LARS2: variants seen among roughly 807,000 people sequenced by gnomAD.
LARS2 encodes the protein leucyl-tRNA synthetase 2, mitochondrial.
A neutral mutation model predicts 116.6 loss-of-function variants in LARS2; 81 were observed. The ratio of observed to expected loss-of-function variants is 0.69; its 90% CI spans 0.58 to 0.84. The LOEUF (loss-of-function observed/expected upper bound fraction) is 0.84. Ranked by LOEUF, LARS2 falls within the 40% of genes least tolerant of loss-of-function variation. The pLI, the probability that LARS2 is intolerant of heterozygous loss-of-function variation, is 0.00. For synonymous variants in LARS2, 396 were observed against 407.2 expected (o/e 0.97, Z 0.33); for missense variants, 968 against 1,114.5 (o/e 0.87, Z 1.87).
Position 45,446,980 on chromosome 3 carries a change from G to A in LARS2, c.606G>A (p.Glu202=). 6.4e-7 allele frequency: 1 copy of A among 1,565,530 alleles called. No individual in the cohort carries two copies. The highest frequency in any genetic ancestry group is 8.8e-7 in the Non-Finnish European group (1 of 1,140,230). ...LYEAGLAYQK[E]ALVNWDPVDQ... ...AGGCTGGGCTGGCCTATCAAAAGGA[G>A]GTAAGTTAAAATTAGCTGGACTTTT... is the stretch of plus-strand genomic sequence containing the variant. Residue 202 remains glutamate, a splice_region_variant and synonymous_variant, in exon 7 of 22, where the codon GAG becomes GAA. Coordinates refer to ENST00000645846, the MANE Select transcript of LARS2 (RefSeq NM_015340.4).
chr3:45,431,214 A>G (rs1698707132), intron 6 of LARS2, among the ~76,000 whole-genome samples: 1 of 152,186 alleles, frequency 6.6e-6, no homozygotes, highest in Non-Finnish European at 1.5e-5. Context: ...TTGGTTTCCC[A>G]ACCTTCAGAA....
intron 20 of LARS2, 148 bp from the exon 21 acceptor site, chr3:45,541,677 AGTGG>A: frequency 1.1e-6 from 1 of 883,658 alleles, no homozygotes; most frequent in Non-Finnish European, 1.7e-6. Context: ...ACCAGGCCAA[AGTGG>A]TGAGCACCCA....
At chr3:45,429,563 A>T (rs1698656420) in intron 6 of LARS2, among the ~76,000 whole-genome samples, 1 of 152,098 alleles carries the variant, frequency 6.6e-6, no homozygotes, top group Non-Finnish European at 1.5e-5. Context: ...GGCCACCTGG[A>T]TAATTTAGGA....
intron 6 of LARS2, among the ~76,000 whole-genome samples, chr3:45,425,106 C>T (rs776149945): frequency 3.9e-5 from 6 of 151,908 alleles, no homozygotes; most frequent in Non-Finnish European, 4.4e-5. Context: ...TATTTTCCTT[C>T]TTGTTTTTCT....
At chr3:45,530,755 T>C (rs1317821298) in intron 20 of LARS2, among the ~76,000 whole-genome samples, 1 of 152,248 alleles carries the variant, frequency 6.6e-6, no homozygotes, top group African/African-American at 2.4e-5. Context: ...GAATTGTACA[T>C]TGTGCTTCAA....
intron 10 of LARS2, 24 bp from the exon 11 acceptor site, chr3:45,485,666 CCA>C (rs1278104681): frequency 7.3e-7 from 1 of 1,360,816 alleles, no homozygotes. Flanking sequence ...TGAGTGGCAT[CCA>C]CAGTTATTTG....
intron 3 of LARS2, among the ~76,000 whole-genome samples, chr3:45,399,796 C>T (rs1441123033): frequency 6.6e-6 from 1 of 151,934 alleles, no homozygotes. Flanking sequence ...CCCCTTTCCA[C>T]CCTTCCCCCA....
chr3:45,497,619 G>T (rs1325014748), intron 14 of LARS2, among the ~76,000 whole-genome samples: 1 of 152,096 alleles, frequency 6.6e-6, no homozygotes, highest in Non-Finnish European at 1.5e-5. Flanking sequence ...ATATAAGGGG[G>T]ATCCTTGTCA....
intron 8 of LARS2, among the ~76,000 whole-genome samples, chr3:45,473,568 G>C (rs1302070555): frequency 2.0e-5 from 3 of 151,858 alleles, no homozygotes; most frequent in African/African-American, 7.3e-5. Context: ...ATTTTTAGTA[G>C]AGACGGGGTT....
intron 20 of LARS2, among the ~76,000 whole-genome samples, chr3:45,526,875 G>A (rs374182021): frequency 1.3e-5 from 2 of 152,260 alleles, no homozygotes; most frequent in African/African-American, 4.8e-5. Context: ...AAAACCAAAT[G>A]TCCAAAATGG....
Position 45,485,746 on chromosome 3 carries a change from T to C in LARS2, c.1073T>C (p.Val358Ala). 6.2e-7 allele frequency: 1 copy of C among 1,612,304 alleles called. No individual in the cohort carries two copies. Among genetic ancestry groups the C allele is most frequent in the Non-Finnish European group, 8.5e-7 (1 of 1,179,116 alleles). ...VNMLTQQEVP[V>A]VILAKADLEG... Reference sequence around the variant, plus strand: ...ATGCTTACCCAGCAGGAGGTCCCTGTCGTTATTTTGGCCAAAGCTGACTTG... The same window carrying C: ...ATGCTTACCCAGCAGGAGGTCCCTGCCGTTATTTTGGCCAAAGCTGACTTG... Residue 358 changes from valine to alanine, a missense_variant, in exon 11 of 22, where the codon GTC becomes GCC. Val to Ala is a moderately conservative substitution (Grantham distance 64, BLOSUM62 0). Coordinates refer to ENST00000645846, the MANE Select transcript of LARS2 (RefSeq NM_015340.4).
In LARS2 at chr3:45,401,515, A is replaced by G. The variant is rs555151298; in HGVS notation, c.363+1142A>G. Among the ~76,000 whole-genome samples, 3 of 152,082 alleles carry G rather than the reference A, an allele frequency of 2.0e-5. No homozygotes were observed. The South Asian group carries it at 6.2e-4, about 32-fold the overall frequency. ...GAGACACTATCTTAAAAAAAAAAGA[A>G]TCTGATATGGGCCTTGAAGAATGAG... On this transcript the variant is annotated intron_variant, in intron 4 of 21. Coordinates refer to ENST00000645846, the MANE Select transcript of LARS2 (RefSeq NM_015340.4).
intron 11 of LARS2, among the ~76,000 whole-genome samples, chr3:45,487,817 C>G (rs948582759): frequency 2.0e-5 from 3 of 151,962 alleles, no homozygotes; most frequent in Admixed American, 2.0e-4. Flanking sequence ...GAAGCCAAAA[C>G]AGCAGGCCTT....
chr3:45,399,365 C>T (rs2125674844), intron 3 of LARS2, among the ~76,000 whole-genome samples: 1 of 152,310 alleles, frequency 6.6e-6, no homozygotes, highest in African/African-American at 2.4e-5. Context: ...TCAACTATTG[C>T]TTCTTTGAAT....
At chr3:45,436,077 G>C (rs1261466443) in intron 6 of LARS2, among the ~76,000 whole-genome samples, 2 of 152,018 alleles carry the variant, frequency 1.3e-5, no homozygotes, top group African/African-American at 4.8e-5. Context: ...AATATTTCAG[G>C]TCATGGCATG....
Position 45,423,460 on chromosome 3 carries a change from G to T in LARS2, c.516+3731G>T, listed in dbSNP as rs183454831. On this transcript the variant is annotated intron_variant, in intron 6 of 21. Transcript: ENST00000645846. ...CCTCAGTAGCTGGGATTACAGGCAC[G>T]CACCACTACACCCGGCTTCTTTTTG... Among the ~76,000 whole-genome samples the T allele has an allele frequency of 2.0e-5, 3 of 152,182 alleles. No individual in the cohort carries two copies. In the East Asian group the frequency reaches 5.8e-4, roughly 29 times the overall value.
chr3:45,473,183 GTTGCAGCCTACACAATAACAAAC>G (rs1307400509), intron 8 of LARS2, among the ~76,000 whole-genome samples: 2 of 152,190 alleles, frequency 1.3e-5, no homozygotes, highest in Admixed American at 1.3e-4. Context: ...GGGATTAAGA[GTTGCAGCCTACACAATAACAAAC>G]TTAGCAGTTA....
In LARS2 at chr3:45,485,772, G is replaced by T; in HGVS notation, c.1099G>T (p.Glu367Ter). 6.2e-7 allele frequency: 1 copy of T among 1,610,392 alleles called. No individual in the cohort carries two copies. Among genetic ancestry groups the T allele is most frequent in the Admixed American group, 1.7e-5 (1 of 59,520 alleles). Residue 367 changes from glutamate (E) to a stop codon, truncating the protein, a stop_gained, in exon 11 of 22, where the codon GAA becomes TAA. Transcript: ENST00000645846. LOFTEE classifies it high-confidence loss of function. Reference protein sequence around the residue: ...PVVILAKADLEGSLDSKIGIP... With the variant: ...PVVILAKADL The stretch of plus-strand genomic sequence containing the variant: ...CGTTATTTTGGCCAAAGCTGACTTG[G>T]AAGGCTCTCTGGATTCAAAAATAGG...
intron 20 of LARS2, among the ~76,000 whole-genome samples, chr3:45,524,526 G>C (rs748893579): frequency 6.6e-6 from 1 of 152,098 alleles, no homozygotes; most frequent in Non-Finnish European, 1.5e-5. Context: ...CCTAATCTAG[G>C]CATCAAAGCA....
Sources: allele counts gnomAD v4.1 joint callset (sites outside exome capture counted in the v4.1 genomes callset), GRCh38; gene constraint gnomAD v4.1.1; transcripts MANE v1.5; gene names NCBI Gene and HGNC (gene_info 2026-07-23, HGNC 2026-07-21).